ZFAND6: variants seen among roughly 807,000 people sequenced by gnomAD.
ZFAND6 encodes the protein zinc finger AN1-type containing 6.
ZFAND6 carries 12 observed loss-of-function variants against 24.5 expected under a neutral mutation model. That is an observed-to-expected ratio of 0.49 (90% CI 0.31 to 0.79). The LOEUF is 0.79. Among genes scored for constraint, ZFAND6 ranks in the 30% least tolerant of loss-of-function variants. The pLI is 0.04. For synonymous variants in ZFAND6, 92 were observed against 81.5 expected (o/e 1.13, Z -0.69); for missense variants, 207 against 245.9 (o/e 0.84, Z 1.06).
At chr15:80,113,964 C>T (rs977754641) in intron 2 of ZFAND6, among the ~76,000 whole-genome samples, 1 of 151,870 alleles carries the variant, frequency 6.6e-6, no homozygotes, top group African/African-American at 2.4e-5. Flanking sequence ...AGAATTTAAG[C>T]TGATTTCCTG....
chr15:80,063,401 A>ATT (rs533900924), intron 1 of ZFAND6, among the ~76,000 whole-genome samples: 2 of 150,732 alleles, frequency 1.3e-5, no homozygotes, highest in Non-Finnish European at 3.0e-5. Context: ...CTTTTTTTGT[A>ATT]TTTTTTTTGA....
intron 2 of ZFAND6, among the ~76,000 whole-genome samples, chr15:80,117,232 T>C (rs1037179148): frequency 1.3e-5 from 2 of 152,150 alleles, no homozygotes; most frequent in Non-Finnish European, 2.9e-5. Flanking sequence ...ATACTCTTTT[T>C]TTTTTTTTGA....
intron 2 of ZFAND6, among the ~76,000 whole-genome samples, chr15:80,102,782 G>T (rs1251498235): frequency 6.6e-6 from 1 of 152,138 alleles, no homozygotes; most frequent in Non-Finnish European, 1.5e-5. Flanking sequence ...GGTGTTAGGG[G>T]AGATACCAAA....
chr15:80,092,083 A>G (rs1303978480), intron 1 of ZFAND6, among the ~76,000 whole-genome samples: 1 of 152,124 alleles, frequency 6.6e-6, no homozygotes, highest in Non-Finnish European at 1.5e-5. Flanking sequence ...TTCTCCACAT[A>G]TATCTGTCCC....
At chr15:80,132,623 C>T (rs1369016818) in intron 6 of ZFAND6, among the ~76,000 whole-genome samples, 1 of 152,182 alleles carries the variant, frequency 6.6e-6, no homozygotes, top group African/African-American at 2.4e-5. Context: ...ACCTCTGTTT[C>T]AGCAGTTTGT....
intron 2 of ZFAND6, among the ~76,000 whole-genome samples, chr15:80,111,863 C>T (rs1294795254): frequency 6.6e-5 from 10 of 152,310 alleles, no homozygotes; most frequent in South Asian, 2.1e-4. Flanking sequence ...TCGGAGAGTA[C>T]AGGCTCTGCC....
At chr15:80,070,518 T>A (rs568713829) in intron 1 of ZFAND6, among the ~76,000 whole-genome samples, 19 of 152,352 alleles carry the variant, frequency 1.2e-4, no homozygotes, top group Non-Finnish European at 1.8e-4. Context: ...TAACTCTTAA[T>A]TTTAACCTGT....
chr15:80,063,603 G>A (rs1418188042), intron 1 of ZFAND6, among the ~76,000 whole-genome samples: 1 of 151,154 alleles, frequency 6.6e-6, no homozygotes, highest in Non-Finnish European at 1.5e-5. Context: ...TGTTATACAG[G>A]CTAGAGTGCA....
chr15:80,134,148 C>T (rs1484169493), intron 6 of ZFAND6, among the ~76,000 whole-genome samples: 3 of 152,126 alleles, frequency 2.0e-5, no homozygotes, highest in Non-Finnish European at 4.4e-5. Flanking sequence ...CCACCATGCC[C>T]AACTAATTTC....
intron 1 of ZFAND6, among the ~76,000 whole-genome samples, chr15:80,076,568 C>G (rs567336698): frequency 2.6e-5 from 4 of 152,248 alleles, no homozygotes; most frequent in Admixed American, 6.5e-5. Flanking sequence ...AAGAATAACA[C>G]CAGCTGATTC....
At chr15:80,111,505 A>G in intron 2 of ZFAND6, 1 of 456,010 alleles carries the variant, frequency 2.2e-6, no homozygotes, top group Non-Finnish European at 4.4e-6. Flanking sequence ...TAGGAATGTC[A>G]ATCAGAAGTT....
chr15:80,099,783 A>G (rs1422228546), intron 2 of ZFAND6, among the ~76,000 whole-genome samples: 1 of 152,074 alleles, frequency 6.6e-6, no homozygotes, highest in African/African-American at 2.4e-5. Flanking sequence ...TGCCCGGCTA[A>G]TTTTTGTACT....
At chr15:80,069,503 C>A (rs1463006083) in intron 1 of ZFAND6, among the ~76,000 whole-genome samples, 1 of 152,194 alleles carries the variant, frequency 6.6e-6, no homozygotes, top group Non-Finnish European at 1.5e-5. Flanking sequence ...TTCATTCAAA[C>A]TCCCCAACTC....
At chr15:80,118,038 ATG>A (rs2039967277) in intron 2 of ZFAND6, among the ~76,000 whole-genome samples, 1 of 60,404 alleles carries the variant, frequency 1.7e-5, no homozygotes, top group Non-Finnish European at 4.6e-5. Context: ...GTGTGTGTAT[ATG>A]TATGTATATA....
At chr15:80,110,004 C>G (rs968852612) in intron 2 of ZFAND6, among the ~76,000 whole-genome samples, 25 of 152,306 alleles carry the variant, frequency 1.6e-4, no homozygotes, top group African/African-American at 5.8e-4. Context: ...GATCGGCTTC[C>G]TGGTTCACTC....
chr15:80,099,983 T>A (rs1017024616), intron 2 of ZFAND6, among the ~76,000 whole-genome samples: 2 of 152,210 alleles, frequency 1.3e-5, no homozygotes, highest in African/African-American at 4.8e-5. Context: ...CACATGTTGC[T>A]GCATTCAAAA....
intron 1 of ZFAND6, among the ~76,000 whole-genome samples, chr15:80,061,321 T>C (rs1452549433): frequency 6.6e-6 from 1 of 152,226 alleles, no homozygotes; most frequent in Non-Finnish European, 1.5e-5. Context: ...ACTTCAAATA[T>C]GTGCAGTTTA....
chr15:80,113,001 G>A (rs1165290344), intron 2 of ZFAND6: 9 of 385,656 alleles, frequency 2.3e-5, no homozygotes, highest in East Asian at 7.2e-5. Context: ...GAAAAAAGGC[G>A]GAGTGTGACA....
At chr15:80,112,813 T>C (rs778874193) in intron 2 of ZFAND6, 5 of 456,116 alleles carry the variant, frequency 1.1e-5, no homozygotes, top group South Asian at 7.7e-5. Context: ...AATTACTGTA[T>C]GCAACAGGAA....
Sources: allele counts gnomAD v4.1 joint callset (sites outside exome capture counted in the v4.1 genomes callset), GRCh38; gene constraint gnomAD v4.1.1; transcripts MANE v1.5; gene names NCBI Gene and HGNC (gene_info 2026-07-23, HGNC 2026-07-21).